Variants in SSPN observed in about 807,000 individuals in gnomAD.
The protein encoded by SSPN is sarcospan, also known as K-ras oncogene-associated protein.
A neutral mutation model predicts 19.1 loss-of-function variants in SSPN; 15 were observed. The ratio of observed to expected loss-of-function variants is 0.78; its 90% CI spans 0.52 to 1.21. SSPN has a LOEUF of 1.21. SSPN is among the 50% of genes most tolerant of loss of function. The probability of loss-of-function intolerance (pLI) is 0.00; values close to 1 mark genes in which losing one functional copy is unlikely to be tolerated. For synonymous variants in SSPN, 147 were observed against 140.3 expected, an observed-to-expected ratio of 1.05 and a Z score of -0.34; for missense variants, 291 against 314.0, an observed-to-expected ratio of 0.93 and a Z score of 0.55.
chr12:26,208,019 G>T (rs78603515), intron 1 of SSPN, among the ~76,000 whole-genome samples: 42 of 31,772 alleles, frequency 1.3e-3, no homozygotes, highest in Non-Finnish European at 2.1e-3. Context: ...TGGTGGTGGT[G>T]GGGGGGGGGG....
upstream of SSPN, among the ~76,000 whole-genome samples, chr12:26,191,443 A>AC (rs562927336): frequency 1.2e-4 from 18 of 152,174 alleles, no homozygotes; most frequent in East Asian, 2.7e-3. Flanking sequence ...ACATAGTGAG[A>AC]CCCCATCTCC....
chr12:26,195,823 C>A lies in SSPN; in HGVS notation c.151C>A (p.Arg51=), dbSNP rs765608562. 8 of 1,537,162 alleles carry A rather than the reference C, an allele frequency of 5.2e-6. No individual in the cohort carries two copies. Among genetic ancestry groups the A allele is most frequent in the Non-Finnish European group, 7.0e-6 (8 of 1,145,062 alleles). Reference sequence around the variant, plus strand: ...GGAGCCCCGGACCTGCTGCGGCTGCCGGTTCCCGCTGCTGCTCGCCCTGCT... The same window carrying A: ...GGAGCCCCGGACCTGCTGCGGCTGCAGGTTCCCGCTGCTGCTCGCCCTGCT... The part of the protein sequence containing the change: ...EEEPRTCCGC[R]FPLLLALLQL... Residue 51 remains arginine, a synonymous_variant, in exon 1 of 3, where the codon CGG becomes AGG. Coordinates refer to ENST00000242729, the MANE Select transcript of SSPN (RefSeq NM_005086.5).
chr12:26,149,852 A>T (rs948363189), intron 1 of SSPN, among the ~76,000 whole-genome samples: 1 of 152,200 alleles, frequency 6.6e-6, no homozygotes, highest in African/African-American at 2.4e-5. Flanking sequence ...ACTGCACCTG[A>T]AATTTTTTTT....
rs982227547 is a variant in SSPN at position 26,234,443 on chromosome 12, A to G, written c.*3367A>G. On this transcript the variant is annotated 3_prime_UTR_variant, in exon 3 of 3. Coordinates refer to ENST00000242729, the MANE Select transcript of SSPN (RefSeq NM_005086.5). ...CACTCTATCATGTTTTTAGGTGTAT[A>G]TTGTGTATTCAGGATAGCATTAAAA... The G allele has an allele frequency of 1.3e-5, 2 of 152,216 alleles. No individual in the cohort carries two copies. Among genetic ancestry groups the G allele is most frequent in the African/African-American group, 4.8e-5 (2 of 41,464 alleles). The allele number at this position is 152,216 out of a possible 1,614,324, so 9.4% of individuals were successfully genotyped here.
intron 1 of SSPN, among the ~76,000 whole-genome samples, chr12:26,216,720 A>C (rs1329774382): frequency 2.5e-5 from 3 of 118,888 alleles, no homozygotes; most frequent in Non-Finnish European, 5.1e-5. Context: ...CTAACATTTA[A>C]GTCTTTAATC....
intron 1 of SSPN, among the ~76,000 whole-genome samples, chr12:26,168,531 G>T (rs1199942546): frequency 4.6e-5 from 7 of 152,210 alleles, no homozygotes; most frequent in Non-Finnish European, 2.9e-5. Flanking sequence ...TCTGGATACA[G>T]TTAGGCTGTT....
At chr12:26,222,760 G>A (rs1288603526) in intron 1 of SSPN, among the ~76,000 whole-genome samples, 2 of 152,118 alleles carry the variant, frequency 1.3e-5, no homozygotes, top group Non-Finnish European at 1.5e-5. Flanking sequence ...ATAAAATGCG[G>A]TTTAAATAAC....
At chr12:26,123,186 TG>T (rs1198850402) in intron 1 of SSPN, 2 of 1,564,596 alleles carry the variant, frequency 1.3e-6, no homozygotes, top group Admixed American at 1.8e-5. Context: ...GAGGAAGGGA[TG>T]GGGGTGGGGG....
At chr12:26,154,843 C>T (rs1944546357) in intron 1 of SSPN, among the ~76,000 whole-genome samples, 1 of 152,092 alleles carries the variant, frequency 6.6e-6, no homozygotes, top group Non-Finnish European at 1.5e-5. Context: ...CATGGTGCCA[C>T]ATCAGATCCT....
chr12:26,178,228 G>A (rs1232220797), intron 1 of SSPN, among the ~76,000 whole-genome samples: 2 of 152,158 alleles, frequency 1.3e-5, no homozygotes, highest in Non-Finnish European at 2.9e-5. Context: ...TTCAGACTTG[G>A]CTTCACCAGG....
intron 1 of SSPN, among the ~76,000 whole-genome samples, chr12:26,134,218 G>A (rs1944412858): frequency 6.6e-6 from 1 of 152,062 alleles, no homozygotes; most frequent in South Asian, 2.1e-4. Flanking sequence ...GCTGTCTCAG[G>A]TCCTTCACTC....
At chr12:26,225,408 T>C (rs966929056) in intron 2 of SSPN, among the ~76,000 whole-genome samples, 6 of 152,146 alleles carry the variant, frequency 3.9e-5, no homozygotes, top group African/African-American at 1.4e-4. Context: ...AAAAAGCTGG[T>C]TACACAAAAT....
intron 1 of SSPN, among the ~76,000 whole-genome samples, chr12:26,183,265 C>A (rs1468093665): frequency 2.0e-5 from 3 of 152,170 alleles, no homozygotes; most frequent in Non-Finnish European, 2.9e-5. Context: ...ATTAGTATAT[C>A]ATACCTACCT....
At chr12:26,167,573 C>A (rs1944628776) in intron 1 of SSPN, among the ~76,000 whole-genome samples, 1 of 152,068 alleles carries the variant, frequency 6.6e-6, no homozygotes, top group African/African-American at 2.4e-5. Flanking sequence ...ACCCAGGGAG[C>A]CAGCAGGCAT....
Position 26,213,085 on chromosome 12 carries a change from T to G in SSPN, c.280-11208T>G, listed in dbSNP as rs571673312. On this transcript the variant is annotated intron_variant, in intron 1 of 2. Coordinates refer to ENST00000242729, the MANE Select transcript of SSPN (RefSeq NM_005086.5). ...GTTTTTTAAAAAAGTAATATTAACT[T>G]GAGGATCTCATATGGCCAGAAAAAT... Among the ~76,000 whole-genome samples the G allele has an allele frequency of 5.9e-5, 9 of 152,004 alleles. No individual in the cohort carries two copies. The South Asian group carries it at 1.5e-3, about 25-fold the overall frequency.
Position 26,195,752 on chromosome 12 carries a change from T to G in SSPN, c.80T>G (p.Met27Arg). The change falls in exon 1 of 3, where the codon ATG becomes AGG. Residue 27 changes from methionine to arginine, a missense_variant. By Grantham distance (91) the Met-to-Arg change is moderately conservative (BLOSUM62 -1). Coordinates refer to ENST00000242729, the MANE Select transcript of SSPN (RefSeq NM_005086.5). ...PAADAAGPDD[M>R]EPKKGTGAPK... ...GCGGACGCCGCTGGGCCCGACGACA[T>G]GGAGCCGAAGAAGGGCACGGGGGCC... 3 of 1,477,828 alleles carry G rather than the reference T, an allele frequency of 2.0e-6. No homozygotes were observed. Among genetic ancestry groups the G allele is most frequent in the Non-Finnish European group, 2.7e-6 (3 of 1,118,350 alleles). 91.5% of individuals were successfully genotyped at this position (1,477,828 alleles called of 1,614,324 possible).
chr12:26,198,169 G>A (rs896079221), intron 1 of SSPN, among the ~76,000 whole-genome samples: 7 of 148,916 alleles, frequency 4.7e-5, no homozygotes, highest in Non-Finnish European at 7.6e-5. Flanking sequence ...TGAGTTTTGG[G>A]GGGGGGTTTT....
chr12:26,170,456 T>C (rs1456760645), intron 1 of SSPN, among the ~76,000 whole-genome samples: 1 of 152,190 alleles, frequency 6.6e-6, no homozygotes, highest in Non-Finnish European at 1.5e-5. Flanking sequence ...AAAGTAGACT[T>C]CATAATATAG....
chr12:26,214,738 G>C (rs2137488281), intron 1 of SSPN: 1 of 152,012 alleles, frequency 6.6e-6, no homozygotes, highest in East Asian at 1.9e-4. Flanking sequence ...TATCCAATTA[G>C]GGAAAGAGTA....
Sources: gnomAD v4.1 joint callset for allele counts (sites outside exome capture counted in the v4.1 genomes callset) on GRCh38, gnomAD v4.1.1 for gene constraint, MANE v1.5 for transcripts, NCBI Gene and HGNC (gene_info 2026-07-23, HGNC 2026-07-21) for gene names.